Variants in NF1 observed in about 807,000 individuals in gnomAD.
The protein encoded by NF1 is neurofibromin.
A neutral mutation model predicts 325.7 loss-of-function variants in NF1; 122 were observed. That is an observed-to-expected ratio of 0.37 (90% confidence interval 0.32 to 0.44). The LOEUF (loss-of-function observed/expected upper bound fraction) is 0.44. Among genes scored for constraint, NF1 ranks in the 20% least tolerant of loss-of-function variants. NF1 has a pLI of 1.00. For synonymous variants in NF1, 1,091 were observed against 1,186.0 expected (o/e 0.92, Z 1.65); for missense variants, 2,140 against 3,415.4 (o/e 0.63, Z 9.31).
At chr17:31,262,949 A>G (rs955193338) in intron 35 of NF1, among the ~76,000 whole-genome samples, 1 of 152,134 alleles carries the variant, frequency 6.6e-6, no homozygotes, top group Non-Finnish European at 1.5e-5. Context: ...TTGAGAGGCC[A>G]AGGTGAGAGA....
In NF1 at chr17:31,227,611, G is replaced by A. The variant is rs763688567; in HGVS notation, c.2409+5G>A. 6.2e-7 allele frequency: 1 copy of A among 1,613,054 alleles called. No individual in the cohort carries two copies. Among genetic ancestry groups the A allele is most frequent in the Non-Finnish European group, 8.5e-7 (1 of 1,179,322 alleles). ...GCCAAAATGGAAGATGGCCAGGTAAGTCTGTAAAGTTGACTTTTGTCTGTT... is the reference window on the plus strand; with the variant it reads ...GCCAAAATGGAAGATGGCCAGGTAAATCTGTAAAGTTGACTTTTGTCTGTT... On this transcript the variant is annotated splice_donor_5th_base_variant and intron_variant, in intron 20 of 57. Transcript: ENST00000358273.
chr17:31,161,088 G>C (rs1050806734), intron 3 of NF1, among the ~76,000 whole-genome samples: 1 of 152,132 alleles, frequency 6.6e-6, no homozygotes, highest in African/African-American at 2.4e-5. Flanking sequence ...GAGCTCACAA[G>C]TATACGTTTG....
At chr17:31,356,326 G>A (rs562915619) in intron 51 of NF1, 134 bp from the exon 52 acceptor site, 17 of 818,332 alleles carry the variant, frequency 2.1e-5, no homozygotes, top group East Asian at 1.6e-4. Flanking sequence ...ACTGCTCCAG[G>A]GATGTATTAG....
chr17:31,192,539 C>G (rs2066364281), intron 8 of NF1, among the ~76,000 whole-genome samples: 1 of 152,182 alleles, frequency 6.6e-6, no homozygotes, highest in South Asian at 2.1e-4. Context: ...GCAGAGGAAT[C>G]TCTCAGCAGA....
At position 31,104,291 on chromosome 17, in the gene NF1, G is replaced by A. The variant is rs142212872; in HGVS notation, c.60+8922G>A. ...CGACATACTTTTAAGGATAAGCAGC[G>A]TATTAATTAAAAATGTGTTTTCCAC... On this transcript the variant is annotated intron_variant, in intron 1 of 57. Transcript: ENST00000358273. Among the ~76,000 whole-genome samples the A allele has an allele frequency of 2.6e-5, 4 of 152,214 alleles. No homozygotes were observed. In the East Asian group the frequency reaches 5.8e-4, roughly 22 times the overall value.
At chr17:31,173,371 C>T (rs2065964336) in intron 5 of NF1, among the ~76,000 whole-genome samples, 1 of 152,076 alleles carries the variant, frequency 6.6e-6, no homozygotes. Flanking sequence ...GATTGTGCCA[C>T]TGCACTCCAG....
chr17:31,116,490 C>T lies in NF1; in HGVS notation c.60+21121C>T, dbSNP rs1265505890. 8.5e-5 allele frequency among the ~76,000 whole-genome samples: 13 copies of T among 152,054 alleles called. No individual in the cohort carries two copies. The East Asian group carries it at 2.3e-3, about 27-fold the overall frequency. ...TCTAACTAGGACCTGTCTAACCTACCTGCTTAAGGATAGAGGAAATCTTGA... is the reference window on the plus strand; with the variant it reads ...TCTAACTAGGACCTGTCTAACCTACTTGCTTAAGGATAGAGGAAATCTTGA... On this transcript the variant is annotated intron_variant, in intron 1 of 57. Transcript: ENST00000358273.
At chr17:31,251,384 C>G (rs1392329993) in intron 30 of NF1, 1 of 202,278 alleles carries the variant, frequency 4.9e-6, no homozygotes, top group Non-Finnish European at 1.0e-5. Flanking sequence ...TAAGCCTTTT[C>G]AAATCATGTG....
chr17:31,330,395 C>A lies in NF1; in HGVS notation c.5709C>A (p.Asn1903Lys). The stretch of plus-strand genomic sequence containing the variant: ...CATCAGGTTTATGTATCCCTGCCAA[C>A]AACACCCTCTTTATTGTCTCTATTA... ...LETSGLCIPA[N>K]NTLFIVSISK... The change falls in exon 39 of 58, where the codon AAC (asparagine) becomes AAA (lysine). Residue 1903 changes from asparagine to lysine, a missense_variant. By Grantham distance (94) the Asn-to-Lys change is moderately conservative (BLOSUM62 0). Around this residue, in one of 10 missense-constraint regions of NF1, gnomAD observed 180 missense variants for 435.1 expected, o/e 0.41. Coordinates refer to ENST00000358273, the MANE Select transcript of NF1 (RefSeq NM_001042492.3). 1 of 1,613,838 alleles carries A rather than the reference C, an allele frequency of 6.2e-7. No homozygotes were observed. Among genetic ancestry groups the A allele is most frequent in the Non-Finnish European group, 8.5e-7 (1 of 1,179,766 alleles).
chr17:31,219,252 C>A, intron 14 of NF1, 134 bp downstream of exon 14: 3 of 893,030 alleles, frequency 3.4e-6, no homozygotes, highest in Non-Finnish European at 5.2e-6. Flanking sequence ...TATGTCTATA[C>A]ATTGTTTTAT....
intron 36 of NF1, chr17:31,318,461 C>CCAGA: frequency 1.9e-6 from 3 of 1,613,970 alleles, no homozygotes; most frequent in Non-Finnish European, 2.5e-6. Context: ...AGACCGCTTG[C>CCAGA]CAGAAAATCG....
intron 1 of NF1, among the ~76,000 whole-genome samples, chr17:31,099,317 G>A (rs1043939205): frequency 2.0e-5 from 3 of 152,098 alleles, no homozygotes; most frequent in African/African-American, 7.2e-5. Flanking sequence ...CATTCTTGTG[G>A]GTAATATAAA....
chr17:31,095,628 C>A (rs981908697), intron 1 of NF1, among the ~76,000 whole-genome samples: 2 of 152,172 alleles, frequency 1.3e-5, no homozygotes, highest in Non-Finnish European at 2.9e-5. Context: ...CAGCCTCCGA[C>A]CCTCCATCCC....
At position 31,228,141 on chromosome 17, in the gene NF1, A is replaced by G. The variant is rs17881618; in HGVS notation, c.2409+535A>G. Among the ~76,000 whole-genome samples, 1,068 of 152,376 alleles carry G rather than the reference A, an allele frequency of 7.0e-3. 11 individuals carry two copies. The highest frequency in any genetic ancestry group is 0.024 in the Middle Eastern group (7 of 294). On this transcript the variant is annotated intron_variant, in intron 20 of 57. Transcript: ENST00000358273. ...ATGTCTTAGGCAGTAGATTGATCCC[A>G]TAGAGTAAATGAAATTTTAAAATGT... is the stretch of plus-strand genomic sequence containing the variant.
In NF1 at chr17:31,340,607, C is replaced by G. The variant is rs2151561869; in HGVS notation, c.7024C>G (p.Leu2342Val). 1.2e-6 allele frequency: 2 copies of G among 1,614,134 alleles called. No homozygotes were observed. Among genetic ancestry groups the G allele is most frequent in the Non-Finnish European group, 1.7e-6 (2 of 1,180,016 alleles). The change falls in exon 47 of 58, where the codon CTG becomes GTG. Residue 2342 changes from leucine (L) to valine (V), a missense_variant. Around this residue, in one of 10 missense-constraint regions of NF1, gnomAD observed 522 missense variants for 749.0 expected, o/e 0.70. Coordinates refer to ENST00000358273, the MANE Select transcript of NF1 (RefSeq NM_001042492.3). ...AGGTACCGCACTTCTTGAACAAAACCTGCATACTTTAGATAGTCTCCGTAT... is the reference window on the plus strand; with the variant it reads ...AGGTACCGCACTTCTTGAACAAAACGTGCATACTTTAGATAGTCTCCGTAT... ...SAGTALLEQNLHTLDSLRIFN... is the reference protein window; with the variant it reads ...SAGTALLEQNVHTLDSLRIFN...
chr17:31,347,032 A>C (rs1428393904), intron 48 of NF1, among the ~76,000 whole-genome samples: 1 of 151,826 alleles, frequency 6.6e-6, no homozygotes. Flanking sequence ...TTGTGAAAAA[A>C]AAAACCCCTG....
chr17:31,358,356 A>G, intron 54 of NF1, 124 bp from the exon 55 acceptor site: 8 of 971,306 alleles, frequency 8.2e-6, no homozygotes, highest in Non-Finnish European at 1.2e-5. Context: ...CAGAAAGTAA[A>G]AAGCACTCAT....
At chr17:31,095,520 G>C in intron 1 of NF1, 151 bp downstream of exon 1, 1 of 710,648 alleles carries the variant, frequency 1.4e-6, no homozygotes, top group Non-Finnish European at 2.3e-6. Context: ...GGGGATAAGT[G>C]GGGGTGGCCA....
chr17:31,337,094 T>C (rs1365870877), intron 42 of NF1, among the ~76,000 whole-genome samples, 180 bp downstream of exon 42: 2 of 152,186 alleles, frequency 1.3e-5, no homozygotes, highest in African/African-American at 4.8e-5. Context: ...CATATCAAGC[T>C]ATAGTAAAGA....
Sources: gnomAD v4.1 joint callset for allele counts (sites outside exome capture counted in the v4.1 genomes callset) on GRCh38, gnomAD v4.1.1 for gene constraint, gnomAD v4.1.1 regional missense constraint, MANE v1.5 for transcripts, NCBI Gene and HGNC (gene_info 2026-07-23, HGNC 2026-07-21) for gene names.